The following MTFMT variants were observed in gnomAD, a reference collection of about 807,000 sequenced individuals.
The protein encoded by MTFMT is mitochondrial methionyl-tRNA formyltransferase, also known as methionyl-tRNA formyltransferase, mitochondrial.
In MTFMT, 47 loss-of-function variants were observed where a neutral mutation model predicts 51.8. The observed-to-expected ratio is 0.91, with a 90% CI of 0.72 to 1.16. MTFMT has a LOEUF of 1.16. Among genes scored for constraint, MTFMT ranks in the 50% most tolerant of loss-of-function variants. MTFMT has a pLI of 0.00. For synonymous variants in MTFMT, 196 were observed against 176.7 expected (o/e 1.11, Z -0.87); for missense variants, 512 against 482.3 (o/e 1.06, Z -0.58).
chr15:65,020,290 AGAGTGTGATATATTC>A lies in MTFMT; in HGVS notation c.646-33_646-19del. ...GAAATGAGCTACAAAAAAAAAAAAA[AGAGTGTGATATATTC>A]AAAATGAAGGGAAGAACAAAAGCAG... On this transcript the variant is annotated intron_variant, in intron 4 of 8. Coordinates refer to ENST00000220058, the MANE Select transcript of MTFMT (RefSeq NM_139242.4). 6.4e-7 allele frequency: 1 copy of A among 1,569,876 alleles called. No individual in the cohort carries two copies. The highest frequency in any genetic ancestry group is 8.7e-7 in the Non-Finnish European group (1 of 1,144,332).
Position 65,020,215 on chromosome 15 carries a change from T to C in MTFMT, c.703A>G (p.Met235Val), listed in dbSNP as rs746080337. ...ESLSNGRQQP[M>V]EGATYAPKIS... ...CACTCACCGTAAGTCGCCCCCTCCATTGGCTGCTGCCTTCCATTGCTCAGA... is the reference window on the plus strand; with the variant it reads ...CACTCACCGTAAGTCGCCCCCTCCACTGGCTGCTGCCTTCCATTGCTCAGA... Residue 235 changes from methionine (M) to valine (V), a missense_variant, in exon 5 of 9, where the codon ATG (methionine) becomes GTG (valine). Physicochemically the swap from Met to Val is conservative, Grantham distance 21. Transcript: ENST00000220058. 2.5e-6 allele frequency: 4 copies of C among 1,613,042 alleles called. No homozygotes were observed. Among genetic ancestry groups the C allele is most frequent in the East Asian group, 2.2e-5 (1 of 44,860 alleles).
At position 65,020,375 on chromosome 15, in the gene MTFMT, TTC is replaced by T. The variant is rs2086363920; in HGVS notation, c.646-105_646-104del. Reference sequence around the variant, plus strand: ...ACCATGAAATAACCTATAACTTTTTTTCTTTTTCTTTTTTCAAATTAAAAAAA... The same window carrying T: ...ACCATGAAATAACCTATAACTTTTTTTTTTTCTTTTTTCAAATTAAAAAAA... On this transcript the variant is annotated intron_variant, in intron 4 of 8. Transcript: ENST00000220058. 5 of 984,348 alleles carry T rather than the reference TTC, an allele frequency of 5.1e-6. No homozygotes were observed. In the Admixed American group the frequency reaches 8.4e-5, roughly 17 times the overall value. 61.0% of individuals were successfully genotyped at this position (984,348 alleles called of 1,614,324 possible).
In MTFMT at chr15:65,029,593, G is replaced by C. The variant is rs796183698; in HGVS notation, c.21C>G (p.Arg7=). The stretch of plus-strand genomic sequence containing the variant: ...CATGAGCCAGCGGAGGACCCCAACA[G>C]CGCCGCACCAACACCCTCATCGCCT... MRVLVR[R]CWGPPLAHGA... Residue 7 remains arginine, a synonymous_variant, in exon 1 of 9, where the codon CGC becomes CGG. Coordinates refer to ENST00000220058, the MANE Select transcript of MTFMT (RefSeq NM_139242.4). 31 of 1,459,874 alleles carry C rather than the reference G, an allele frequency of 2.1e-5. 1 individual carries two copies. In the African/African-American group the frequency reaches 4.1e-4, roughly 19 times the overall value. 90.4% of individuals were successfully genotyped at this position (1,459,874 alleles called of 1,614,324 possible).
intron 6 of MTFMT, among the ~76,000 whole-genome samples, chr15:65,012,488 C>T (rs749115372): frequency 1.6e-4 from 25 of 152,056 alleles, no homozygotes; most frequent in Non-Finnish European, 1.0e-4. Context: ...CTCCACCTCC[C>T]AGGTTCAAGT....
At chr15:65,006,946 TC>T (rs555969636) in intron 6 of MTFMT, among the ~76,000 whole-genome samples, 28 of 152,154 alleles carry the variant, frequency 1.8e-4, no homozygotes, top group Non-Finnish European at 7.3e-5. Context: ...GCCACCCAGG[TC>T]ATTATGCACA....
At chr15:65,004,182 A>G (rs912725248) in intron 8 of MTFMT, among the ~76,000 whole-genome samples, 1 of 151,898 alleles carries the variant, frequency 6.6e-6, no homozygotes, top group Non-Finnish European at 1.5e-5. Flanking sequence ...ACGCTCGACT[A>G]ATTTTTGTAC....
chr15:65,010,483 G>GT (rs2086255171), intron 6 of MTFMT, among the ~76,000 whole-genome samples: 1 of 152,260 alleles, frequency 6.6e-6, no homozygotes, highest in Non-Finnish European at 1.5e-5. Flanking sequence ...TTGTGACAGG[G>GT]TTTTTTCACT....
Position 65,022,968 on chromosome 15 carries a change from C to T in MTFMT, c.542+704G>A, listed in dbSNP as rs578101612. Reference sequence around the variant, plus strand: ...GCCTCCCAAAGTTTAGGATTACAGGCGTGAGCCACCATGCCTGGCTCAGAT... The same window carrying T: ...GCCTCCCAAAGTTTAGGATTACAGGTGTGAGCCACCATGCCTGGCTCAGAT... On this transcript the variant is annotated intron_variant, in intron 3 of 8. Coordinates refer to ENST00000220058, the MANE Select transcript of MTFMT (RefSeq NM_139242.4). 1.4e-3 allele frequency among the ~76,000 whole-genome samples: 210 copies of T among 152,216 alleles called. 1 individual carries two copies. Among genetic ancestry groups the T allele is most frequent in the African/African-American group, 4.0e-3 (165 of 41,534 alleles).
intron 2 of MTFMT, chr15:65,026,438 A>G (rs1316437528): frequency 1.2e-5 from 3 of 244,474 alleles, no homozygotes; most frequent in African/African-American, 6.9e-5. Context: ...GGTGGTCTAT[A>G]CCCTCTTTTC....
chr15:65,023,867 G>GCTA (rs2086397270), intron 2 of MTFMT, 73 bp from the exon 3 acceptor site: 1 of 1,309,006 alleles, frequency 7.6e-7, no homozygotes, highest in African/African-American at 1.5e-5. Flanking sequence ...AAGCTATTAT[G>GCTA]CTACTTTTCA....
chr15:65,023,562 TG>T, intron 3 of MTFMT, 109 bp downstream of exon 3: 1 of 993,306 alleles, frequency 1.0e-6, no homozygotes, highest in Non-Finnish European at 1.5e-6. Flanking sequence ...AGAAGCACTC[TG>T]GAGTCACAGA....
In MTFMT at chr15:65,020,132, G is replaced by A. The variant is rs1347633298; in HGVS notation, c.721+65C>T. On this transcript the variant is annotated intron_variant, in intron 5 of 8. Coordinates refer to ENST00000220058, the MANE Select transcript of MTFMT (RefSeq NM_139242.4). ...AAAAGTACAGCTAAGAAGTCAGAAT[G>A]TTCAGATGCTATCGTGACAAGCAGA... 10 of 1,442,324 alleles carry A rather than the reference G, an allele frequency of 6.9e-6. No individual in the cohort carries two copies. The Admixed American group carries it at 2.1e-4, about 30-fold the overall frequency. The allele number at this position is 1,442,324 out of a possible 1,614,324, so 89.3% of individuals were successfully genotyped here. A position where few individuals can be genotyped will look rare whatever the true frequency, so the allele number is the denominator to read the frequency against.
intron 6 of MTFMT, among the ~76,000 whole-genome samples, chr15:65,007,905 A>C (rs1425260774): frequency 6.6e-6 from 1 of 151,996 alleles, no homozygotes; most frequent in Non-Finnish European, 1.5e-5. Flanking sequence ...GGGGACAGCC[A>C]TTTTTTCCAT....
At position 65,023,730 on chromosome 15, in the gene MTFMT, T is replaced by C. The variant is rs200850450; in HGVS notation, c.484A>G (p.Thr162Ala). 111 of 1,613,628 alleles carry C rather than the reference T, an allele frequency of 6.9e-5. No homozygotes were observed. Among genetic ancestry groups the C allele is most frequent in the Non-Finnish European group, 8.7e-5 (103 of 1,179,684 alleles). Residue 162 changes from threonine to alanine, a missense_variant, in exon 3 of 9, where the codon ACA (threonine) becomes GCA (alanine). Coordinates refer to ENST00000220058, the MANE Select transcript of MTFMT (RefSeq NM_139242.4). ...RWRGPAPVIH[T>A]VLHGDTVTGV... ...GTAACTGTGTCTCCGTGAAGCACTG[T>C]ATGGATTACAGGGGCTGGGCCACGC...
chr15:65,013,714 T>G (rs1266384670), intron 6 of MTFMT, among the ~76,000 whole-genome samples: 2 of 151,944 alleles, frequency 1.3e-5, no homozygotes, highest in African/African-American at 2.4e-5. Context: ...GAGGCTGAGG[T>G]GGGCGGATCA....
At chr15:65,014,369 G>T (rs561294015) in intron 6 of MTFMT, among the ~76,000 whole-genome samples, 1 of 142,112 alleles carries the variant, frequency 7.0e-6, no homozygotes, top group East Asian at 2.1e-4. Flanking sequence ...TTGTTGCCCA[G>T]GCTGGTGTGC....
intron 5 of MTFMT, among the ~76,000 whole-genome samples, chr15:65,018,691 T>A (rs1452962935): frequency 1.3e-5 from 2 of 152,100 alleles, no homozygotes; most frequent in Non-Finnish European, 2.9e-5. Flanking sequence ...AAGGAAGCAC[T>A]CCAAACTAGT....
intron 2 of MTFMT, 41 bp downstream of exon 2, chr15:65,026,790 C>G (rs757863944): frequency 6.7e-7 from 1 of 1,500,676 alleles, no homozygotes; most frequent in Non-Finnish European, 9.1e-7. Context: ...TTTATAAAGA[C>G]CAAGGTTTCT....
chr15:65,026,724 G>T, intron 2 of MTFMT, 107 bp downstream of exon 2: 1 of 908,638 alleles, frequency 1.1e-6, no homozygotes, highest in Non-Finnish European at 1.6e-6. Context: ...AATAAAAAAA[G>T]AAAATATTAC....
Sources: gnomAD v4.1 joint callset for allele counts (sites outside exome capture counted in the v4.1 genomes callset) on GRCh38, gnomAD v4.1.1 for gene constraint, MANE v1.5 for transcripts, NCBI Gene and HGNC (gene_info 2026-07-23, HGNC 2026-07-21) for gene names.